Variants in IFT80 observed in about 807,000 individuals in gnomAD.
The protein encoded by IFT80 is intraflagellar transport 80, also known as intraflagellar transport protein 80 homolog.
A neutral mutation model predicts 107.9 loss-of-function variants in IFT80; 79 were observed. The observed-to-expected ratio is 0.73, with a 90% CI of 0.61 to 0.88. IFT80 has a LOEUF of 0.88. Among genes scored for constraint, IFT80 ranks in the 40% least tolerant of loss-of-function variants. IFT80 has a pLI of 0.00. For missense variants in IFT80, 797 were observed against 914.2 expected (o/e 0.87, Z 1.65); for synonymous variants, 299 against 300.9 (o/e 0.99, Z 0.07).
chr3:160,322,435 T>C lies in IFT80; in HGVS notation c.778-2496A>G, dbSNP rs1257231236. ...CACATTTTCTTAATCCAGTCTATCA[T>C]TGTTGGACATTTGGGTTGGTTCCAA... is the stretch of plus-strand genomic sequence containing the variant. On this transcript the variant is annotated intron_variant, in intron 8 of 19. Coordinates refer to ENST00000326448, the MANE Select transcript of IFT80 (RefSeq NM_020800.3). Among the ~76,000 whole-genome samples the C allele has an allele frequency of 2.0e-5, 3 of 152,060 alleles. No homozygotes were observed. In the East Asian group the frequency reaches 5.8e-4, roughly 29 times the overall value.
At chr3:160,349,381 A>G (rs1282202456) in intron 8 of IFT80, among the ~76,000 whole-genome samples, 1 of 151,930 alleles carries the variant, frequency 6.6e-6, no homozygotes, top group African/African-American at 2.4e-5. Flanking sequence ...CCCAGGAGGC[A>G]GAGGTTGCAG....
rs145353321 is a variant in IFT80 at position 160,292,636 on chromosome 3, C to T, written c.1316-6768G>A. Among the ~76,000 whole-genome samples the T allele has an allele frequency of 6.3e-3, 960 of 152,086 alleles. 11 individuals are homozygous for T. Among genetic ancestry groups the T allele is most frequent in the African/African-American group, 0.022 (900 of 41,496 alleles). On this transcript the variant is annotated intron_variant, in intron 12 of 19. Coordinates refer to ENST00000326448, the MANE Select transcript of IFT80 (RefSeq NM_020800.3). ...CTGGGATTACAGGTGCACACCACCA[C>T]GGCCAGCTAATTTTTACATTTTTAG...
At chr3:160,360,725 T>A (rs1401495237) in intron 6 of IFT80, among the ~76,000 whole-genome samples, 1 of 152,120 alleles carries the variant, frequency 6.6e-6, no homozygotes, top group Non-Finnish European at 1.5e-5. Flanking sequence ...AAGGAAAGAA[T>A]TTTCAACCCT....
chr3:160,323,376 G>A (rs1465872615), intron 8 of IFT80, among the ~76,000 whole-genome samples: 1 of 151,122 alleles, frequency 6.6e-6, no homozygotes, highest in Non-Finnish European at 1.5e-5. Flanking sequence ...TGAGGGCTCT[G>A]TTCTGTTCCA....
chr3:160,386,981 A>G (rs1712983019), intron 1 of IFT80, among the ~76,000 whole-genome samples: 1 of 152,198 alleles, frequency 6.6e-6, no homozygotes, highest in Non-Finnish European at 1.5e-5. Context: ...GAACTGACTT[A>G]CATTTTAAAT....
At chr3:160,316,439 C>T (rs904644531) in intron 9 of IFT80, among the ~76,000 whole-genome samples, 1 of 152,168 alleles carries the variant, frequency 6.6e-6, no homozygotes, top group Admixed American at 6.5e-5. Context: ...TGCCTGGATT[C>T]CTGACTCACA....
rs528999808 is a variant in IFT80, at chr3:160,340,716, C to G, written c.777+15297G>C. On this transcript the variant is annotated intron_variant, in intron 8 of 19. Transcript: ENST00000326448. ...CTAACCCCCAGCTAGGAAAAGTTCT[C>G]TGCTTTTAAGAACTCATGTGATTAT... 1.5e-4 allele frequency among the ~76,000 whole-genome samples: 23 copies of G among 152,292 alleles called. 1 individual carries two copies. The highest frequency in any genetic ancestry group is 5.5e-4 in the African/African-American group (23 of 41,572).
chr3:160,390,517 G>A (rs958462582), intron 1 of IFT80, among the ~76,000 whole-genome samples: 5 of 152,150 alleles, frequency 3.3e-5, no homozygotes, highest in Non-Finnish European at 7.4e-5. Context: ...GAATAAAAGT[G>A]GAGGACTGAT....
chr3:160,277,959 C>T (rs1056555993), intron 16 of IFT80, among the ~76,000 whole-genome samples: 15 of 151,792 alleles, frequency 9.9e-5, no homozygotes, highest in South Asian at 2.1e-4. Context: ...GTCTTTTTGA[C>T]GAGGTGTCAA....
intron 18 of IFT80, among the ~76,000 whole-genome samples, chr3:160,270,531 T>C (rs1321203993): frequency 6.6e-6 from 1 of 152,124 alleles, no homozygotes; most frequent in East Asian, 1.9e-4. Context: ...CAGTATTTGC[T>C]ACCATCACAC....
intron 13 of IFT80, 86 bp from the exon 14 acceptor site, chr3:160,282,699 T>C (rs988687060): frequency 2.5e-6 from 2 of 814,280 alleles, no homozygotes; most frequent in South Asian, 1.7e-5. Context: ...TCATTTCCTT[T>C]AAGATCAATT....
chr3:160,373,953 C>T (rs1711769026), intron 5 of IFT80, among the ~76,000 whole-genome samples: 2 of 152,116 alleles, frequency 1.3e-5, no homozygotes, highest in South Asian at 2.1e-4. Flanking sequence ...TGGTCTGTGG[C>T]CCAAGGGTTG....
intron 6 of IFT80, 22 bp downstream of exon 6, chr3:160,366,021 T>C (rs368642019): frequency 6.3e-7 from 1 of 1,580,528 alleles, no homozygotes; most frequent in Non-Finnish European, 8.7e-7. Context: ...CTGATAACAA[T>C]TTACAAATGA....
At position 160,324,625 on chromosome 3, in the gene IFT80, T is replaced by C. The variant is rs1234116154; in HGVS notation, c.778-4686A>G. Among the ~76,000 whole-genome samples, 7 of 152,214 alleles carry C rather than the reference T, an allele frequency of 4.6e-5. No homozygotes were observed. The South Asian group carries it at 1.2e-3, about 27-fold the overall frequency. ...CAATAAATTAGGTATTGATGGGACA[T>C]ATCTCAAAATAATAAGAGCTATCTA... On this transcript the variant is annotated intron_variant, in intron 8 of 19. Coordinates refer to ENST00000326448, the MANE Select transcript of IFT80 (RefSeq NM_020800.3).
Position 160,257,960 on chromosome 3 carries a change from C to A in IFT80, c.*565G>T. 6.5e-6 allele frequency: 1 copy of A among 154,178 alleles called. No individual in the cohort carries two copies. Among genetic ancestry groups the A allele is most frequent in the Non-Finnish European group, 1.4e-5 (1 of 69,350 alleles). The allele number at this position is 154,178 out of a possible 1,614,324, so 9.6% of individuals were successfully genotyped here. On this transcript the variant is annotated 3_prime_UTR_variant, in exon 20 of 20. Coordinates refer to ENST00000326448, the MANE Select transcript of IFT80 (RefSeq NM_020800.3). ...TCCTTTTTAAAGCTAAATAATATTCCATTGTATGTATTATAGCACATTTGT... is the reference window on the plus strand; with the variant it reads ...TCCTTTTTAAAGCTAAATAATATTCAATTGTATGTATTATAGCACATTTGT...
intron 12 of IFT80, among the ~76,000 whole-genome samples, chr3:160,294,269 G>C (rs1422314305): frequency 6.6e-6 from 1 of 152,088 alleles, no homozygotes; most frequent in African/African-American, 2.4e-5. Context: ...CCCAGGCTGT[G>C]GTGCAGTGGC....
chr3:160,265,449 T>C (rs1009602906), intron 19 of IFT80, among the ~76,000 whole-genome samples: 1 of 152,222 alleles, frequency 6.6e-6, no homozygotes, highest in Non-Finnish European at 1.5e-5. Flanking sequence ...AGCAAATGTC[T>C]GAAGTATTTC....
chr3:160,368,295 C>G lies in IFT80; in HGVS notation c.440-2143G>C, dbSNP rs145802535. Among the ~76,000 whole-genome samples the G allele has an allele frequency of 4.9e-3, 601 of 123,630 alleles. 1 individual carries two copies. Among genetic ancestry groups the G allele is most frequent in the Middle Eastern group, 0.029 (6 of 204 alleles). 81.1% of individuals were successfully genotyped at this position (123,630 alleles called of 152,430 possible). Reference sequence around the variant, plus strand: ...TGCTATTTTCTCCCTAATAAAAACACAATTCAATTGTGAGCAAGTCCCAAT... The same window carrying G: ...TGCTATTTTCTCCCTAATAAAAACAGAATTCAATTGTGAGCAAGTCCCAAT... On this transcript the variant is annotated intron_variant, in intron 5 of 19. Transcript: ENST00000326448.
chr3:160,340,811 G>C (rs890086380), intron 8 of IFT80, among the ~76,000 whole-genome samples: 1 of 152,174 alleles, frequency 6.6e-6, no homozygotes, highest in Non-Finnish European at 1.5e-5. Flanking sequence ...CATCTGCAAA[G>C]TTCCTTTTGC....
Sources: gnomAD v4.1 joint callset for allele counts (sites outside exome capture counted in the v4.1 genomes callset) on GRCh38, gnomAD v4.1.1 for gene constraint, MANE v1.5 for transcripts, NCBI Gene and HGNC (gene_info 2026-07-23, HGNC 2026-07-21) for gene names.